The following CFTR variants were observed in gnomAD, a reference collection of about 807,000 sequenced individuals.
The protein encoded by CFTR is cystic fibrosis transmembrane conductance regulator.
In CFTR, 181 loss-of-function variants were observed where a neutral mutation model predicts 171.6. The observed-to-expected ratio is 1.05, with a 90% CI of 0.93 to 1.19. The LOEUF is 1.19. Ranked by LOEUF, CFTR falls within the 50% of genes most tolerant of loss-of-function variation. The pLI, the probability that CFTR is intolerant of heterozygous loss-of-function variation, is 0.00. For missense variants in CFTR, 1,968 were observed against 1,734.7 expected (o/e 1.13, Z -2.39); for synonymous variants, 583 against 608.0 (o/e 0.96, Z 0.60).
At chr7:117,662,891 G>C (rs1793314011) in intron 24 of CFTR, among the ~76,000 whole-genome samples, 1 of 152,166 alleles carries the variant, frequency 6.6e-6, no homozygotes, top group Non-Finnish European at 1.5e-5. Context: ...TCTCAGAGGA[G>C]AGTCTGGAGA....
rs142337042 is a variant in CFTR, at chr7:117,602,422, T to C, written c.2620-404T>C. Among the ~76,000 whole-genome samples, 49 of 152,370 alleles carry C rather than the reference T, an allele frequency of 3.2e-4. No individual in the cohort carries two copies. In the East Asian group the frequency reaches 8.7e-3, roughly 27 times the overall value. The stretch of plus-strand genomic sequence containing the variant: ...CACAAGTATTAGTCCCCTATAATCA[T>C]TGAATGGCTAATAAAATTATTTATA... On this transcript the variant is annotated intron_variant, in intron 15 of 26. Transcript: ENST00000003084.
At chr7:117,486,971 T>C (rs1414645964) in intron 1 of CFTR, among the ~76,000 whole-genome samples, 2 of 151,000 alleles carry the variant, frequency 1.3e-5, no homozygotes, top group African/African-American at 4.9e-5. Context: ...CAATTAGTAG[T>C]TGAAGGTGAA....
chr7:117,507,482 T>C (rs1249307918), intron 2 of CFTR, among the ~76,000 whole-genome samples: 2 of 152,192 alleles, frequency 1.3e-5, no homozygotes, highest in Non-Finnish European at 2.9e-5. Context: ...CCCATTTTGT[T>C]GGTTTATGTA....
chr7:117,589,703 T>C (rs1791997806), intron 12 of CFTR, among the ~76,000 whole-genome samples: 1 of 152,066 alleles, frequency 6.6e-6, no homozygotes, highest in Admixed American at 6.5e-5. Flanking sequence ...GAATATGATA[T>C]AGAGACTGAA....
chr7:117,655,766 A>C (rs1287873798), intron 24 of CFTR, among the ~76,000 whole-genome samples: 1 of 152,020 alleles, frequency 6.6e-6, no homozygotes, highest in Non-Finnish European at 1.5e-5. Flanking sequence ...AGTAAAATTT[A>C]TTTTTCACAG....
At chr7:117,592,765 T>G in intron 14 of CFTR, 108 bp downstream of exon 14, 1 of 966,518 alleles carries the variant, frequency 1.0e-6, no homozygotes, top group South Asian at 3.7e-5. Flanking sequence ...TAGGATAAGG[T>G]GTATCTTAAA....
intron 3 of CFTR, among the ~76,000 whole-genome samples, chr7:117,516,142 A>G (rs1798592984): frequency 6.6e-6 from 1 of 152,202 alleles, no homozygotes; most frequent in East Asian, 1.9e-4. Flanking sequence ...TTAGCTAACT[A>G]GTGTCCTTTA....
In CFTR at chr7:117,540,227, C is replaced by T. The variant is rs193922533; in HGVS notation, c.997C>T (p.Leu333Phe). Residue 333 changes from leucine (L) to phenylalanine (F), a missense_variant, in exon 8 of 27, where the codon CTC (leucine) becomes TTC (phenylalanine). By Grantham distance (22) the Leu-to-Phe change is conservative. Coordinates refer to ENST00000003084, the MANE Select transcript of CFTR (RefSeq NM_000492.4). Reference protein sequence around the residue: ...LPYALIKGIILRKIFTTISFC... With the variant: ...LPYALIKGIIFRKIFTTISFC... ...CTATGCACTAATCAAAGGAATCATC[C>T]TCCGGAAAATATTCACCACCATCTC... The T allele has an allele frequency of 1.8e-5, 29 of 1,613,980 alleles. No individual in the cohort carries two copies. Among genetic ancestry groups the T allele is most frequent in the Non-Finnish European group, 2.5e-5 (29 of 1,180,016 alleles).
chr7:117,633,617 AT>A (rs2116144080), intron 22 of CFTR, among the ~76,000 whole-genome samples: 1 of 151,378 alleles, frequency 6.6e-6, no homozygotes, highest in East Asian at 1.9e-4. Context: ...ATTAAGTATG[AT>A]TTTAGCTGGA....
intron 9 of CFTR, among the ~76,000 whole-genome samples, chr7:117,544,949 G>A (rs1424149220): frequency 2.0e-5 from 3 of 152,182 alleles, no homozygotes; most frequent in Non-Finnish European, 2.9e-5. Flanking sequence ...TAAGTCTGCC[G>A]TGCTTGCCAC....
At chr7:117,661,871 T>C (rs945541133) in intron 24 of CFTR, among the ~76,000 whole-genome samples, 3 of 151,888 alleles carry the variant, frequency 2.0e-5, no homozygotes, top group African/African-American at 7.3e-5. Flanking sequence ...CTTAAAATAA[T>C]GTGCCTGATA....
At chr7:117,648,024 G>GTGTGTA (rs1554395928) in intron 23 of CFTR, among the ~76,000 whole-genome samples, 11 of 145,508 alleles carry the variant, frequency 7.6e-5, no homozygotes, top group African/African-American at 2.8e-4. Flanking sequence ...GTGTGTGTGT[G>GTGTGTA]TATATATATA....
chr7:117,536,562 G>A lies in CFTR; in HGVS notation c.758G>A (p.Gly253Glu), dbSNP rs1214138761. 1.9e-6 allele frequency: 3 copies of A among 1,594,136 alleles called. No individual in the cohort carries two copies. Among genetic ancestry groups the A allele is most frequent in the Non-Finnish European group, 2.6e-6 (3 of 1,168,766 alleles). Residue 253 changes from glycine to glutamate, a missense_variant, in exon 7 of 27, where the codon GGG becomes GAG. By Grantham distance (98) the Gly-to-Glu change is moderately conservative. Coordinates refer to ENST00000003084, the MANE Select transcript of CFTR (RefSeq NM_000492.4). Reference sequence around the variant, plus strand: ...TTGATTTACAGAGATCAGAGAGCTGGGAAGATCAGTGAAAGACTTGTGATT... The same window carrying A: ...TTGATTTACAGAGATCAGAGAGCTGAGAAGATCAGTGAAAGACTTGTGATT... ...MMMKYRDQRAGKISERLVITS... is the reference protein window; with the variant it reads ...MMMKYRDQRAEKISERLVITS...
chr7:117,557,895 G>T (rs1225770316), intron 10 of CFTR, among the ~76,000 whole-genome samples: 1 of 151,852 alleles, frequency 6.6e-6, no homozygotes, highest in Non-Finnish European at 1.5e-5. Flanking sequence ...AATATTTTTT[G>T]AATAGATTAG....
chr7:117,635,467 C>T (rs1562921408), intron 22 of CFTR, among the ~76,000 whole-genome samples: 1 of 151,622 alleles, frequency 6.6e-6, no homozygotes, highest in Non-Finnish European at 1.5e-5. Context: ...GTTAGATAAA[C>T]ATCTACTATA....
rs370433011 is a variant in CFTR, at chr7:117,667,141, C to T, written c.*33C>T. The T allele has an allele frequency of 1.9e-6, 3 of 1,585,720 alleles. No individual in the cohort carries two copies. In the African/African-American group the frequency reaches 4.0e-5, roughly 21 times the overall value. ...CATAAATGTTGACATGGGACATTTG[C>T]TCATGGAATTGGAGCTCGTGGGACA... On this transcript the variant is annotated 3_prime_UTR_variant, in exon 27 of 27. Coordinates refer to ENST00000003084, the MANE Select transcript of CFTR (RefSeq NM_000492.4).
intron 21 of CFTR, among the ~76,000 whole-genome samples, chr7:117,619,835 A>C (rs1200453892): frequency 6.6e-6 from 1 of 152,100 alleles, no homozygotes; most frequent in African/African-American, 2.4e-5. Context: ...GATTGATGCA[A>C]TCTGAGAAGA....
At chr7:117,658,560 C>T (rs1044123533) in intron 24 of CFTR, among the ~76,000 whole-genome samples, 23 of 152,140 alleles carry the variant, frequency 1.5e-4, no homozygotes, top group Non-Finnish European at 2.9e-4. Context: ...GATATCTCAG[C>T]ACATGAAAAG....
chr7:117,536,052 A>G (rs6969138), intron 6 of CFTR, among the ~76,000 whole-genome samples: 35,755 of 152,102 alleles, frequency 0.24, 4,489 homozygotes, highest in East Asian at 0.42. Context: ...TTTATGGATC[A>G]TCACACCAGA....
Sources: gnomAD v4.1 joint callset for allele counts (sites outside exome capture counted in the v4.1 genomes callset) on GRCh38, gnomAD v4.1.1 for gene constraint, MANE v1.5 for transcripts, NCBI Gene and HGNC (gene_info 2026-07-23, HGNC 2026-07-21) for gene names.